The following TBC1D22A variants were observed in gnomAD, a reference collection of about 807,000 sequenced individuals.
The protein encoded by TBC1D22A is TBC1 domain family member 22A, also known as putative GTPase activator.
Under a neutral mutation model 60.2 loss-of-function variants are expected in TBC1D22A, and 38 were observed. The ratio of observed to expected loss-of-function variants is 0.63; its 90% confidence interval spans 0.49 to 0.83. The LOEUF (loss-of-function observed/expected upper bound fraction) is 0.83, where lower values mean the gene tolerates loss of function less well. TBC1D22A is among the 40% of genes least tolerant of loss of function. TBC1D22A has a pLI of 0.00. For synonymous variants in TBC1D22A, 302 were observed against 281.7 expected, an observed-to-expected ratio of 1.07 and a Z score of -0.72; for missense variants, 628 against 701.0, an observed-to-expected ratio of 0.90 and a Z score of 1.18.
chr22:47,088,375 G>A (rs1351095173), intron 11 of TBC1D22A, among the ~76,000 whole-genome samples: 2 of 152,102 alleles, frequency 1.3e-5, no homozygotes, highest in Non-Finnish European at 2.9e-5. Flanking sequence ...CATGCCAAGA[G>A]CCCAATTTAA....
intron 4 of TBC1D22A, among the ~76,000 whole-genome samples, chr22:46,872,010 G>A (rs131860): frequency 0.67 from 101,710 of 152,038 alleles, 34,095 homozygotes; most frequent in Middle Eastern, 0.78. Flanking sequence ...CATTAAAAAG[G>A]TAATAAGGGA....
chr22:47,145,048 A>C (rs1324466333), intron 12 of TBC1D22A, among the ~76,000 whole-genome samples: 1 of 152,224 alleles, frequency 6.6e-6, no homozygotes. Flanking sequence ...AGCGCGCACC[A>C]CGTGCCGGCT....
intron 6 of TBC1D22A, among the ~76,000 whole-genome samples, chr22:46,891,806 C>T (rs1190997450): frequency 1.3e-5 from 2 of 152,140 alleles, no homozygotes; most frequent in Non-Finnish European, 2.9e-5. Flanking sequence ...CTGGGGTTCT[C>T]TGGCGCTGGG....
intron 4 of TBC1D22A, among the ~76,000 whole-genome samples, chr22:46,872,937 C>A (rs541513100): frequency 6.6e-6 from 1 of 152,150 alleles, no homozygotes; most frequent in Non-Finnish European, 1.5e-5. Context: ...CCTGCAGGAA[C>A]CTGGCGAATG....
intron 4 of TBC1D22A, among the ~76,000 whole-genome samples, chr22:46,875,488 C>G (rs772760969): frequency 6.6e-6 from 1 of 151,934 alleles, no homozygotes; most frequent in Admixed American, 6.6e-5. Context: ...GAGTCTCACT[C>G]CCACCCAGAC....
chr22:46,763,073 A>G (rs952748865), intron 1 of TBC1D22A, among the ~76,000 whole-genome samples: 2 of 151,470 alleles, frequency 1.3e-5, no homozygotes, highest in African/African-American at 4.9e-5. Flanking sequence ...GACGAGGAGG[A>G]GCTATTGGCG....
intron 8 of TBC1D22A, among the ~76,000 whole-genome samples, chr22:46,970,826 T>C (rs779353249): frequency 1.3e-5 from 2 of 152,136 alleles, no homozygotes; most frequent in Admixed American, 6.5e-5. Context: ...TTGCCTGCAG[T>C]TCCGCCTGGG....
intron 4 of TBC1D22A, among the ~76,000 whole-genome samples, chr22:46,850,313 G>A (rs2087212027): frequency 6.6e-6 from 1 of 152,202 alleles, no homozygotes. Flanking sequence ...TGCACCTGAT[G>A]CCAGCATGGT....
At chr22:47,006,102 G>T (rs577708073) in intron 10 of TBC1D22A, among the ~76,000 whole-genome samples, 2 of 152,150 alleles carry the variant, frequency 1.3e-5, no homozygotes, top group Non-Finnish European at 2.9e-5. Context: ...CATTGGCATG[G>T]TCACTGTGTT....
intron 4 of TBC1D22A, among the ~76,000 whole-genome samples, chr22:46,812,542 G>A (rs2085424897): frequency 6.6e-6 from 1 of 152,180 alleles, no homozygotes; most frequent in Non-Finnish European, 1.5e-5. Flanking sequence ...CCACCCCTTT[G>A]GGGACACTGC....
At chr22:47,051,599 C>T (rs548398228) in intron 11 of TBC1D22A, among the ~76,000 whole-genome samples, 7 of 152,260 alleles carry the variant, frequency 4.6e-5, no homozygotes, top group African/African-American at 1.7e-4. Flanking sequence ...CCATGCTTTT[C>T]AGGTCCCCTC....
intron 8 of TBC1D22A, among the ~76,000 whole-genome samples, chr22:46,959,048 T>A (rs1003236585): frequency 2.6e-5 from 4 of 152,138 alleles, no homozygotes; most frequent in Non-Finnish European, 2.9e-5. Flanking sequence ...TGGCTTCAGT[T>A]ATGAGAATGT....
In TBC1D22A at chr22:46,777,364, C is replaced by A. The variant is rs1373690067; in HGVS notation, c.62+14516C>A. Among the ~76,000 whole-genome samples, 1 of 152,076 alleles carries A rather than the reference C, an allele frequency of 6.6e-6. No homozygotes were observed. Among genetic ancestry groups the A allele is most frequent in the Non-Finnish European group, 1.5e-5 (1 of 68,018 alleles). ...GTGACTGGTAGAGAGTGATGTTGTC[C>A]AAGGGTGGGGACCGAAGAGTGGGTG... On this transcript the variant is annotated intron_variant, in intron 1 of 12. Coordinates refer to ENST00000337137, the MANE Select transcript of TBC1D22A (RefSeq NM_014346.5). This position sits in a 1 kb window ranked among gnomAD's most constrained non-coding sequence, Gnocchi z 4.5.
chr22:47,073,653 G>C (rs989669107), intron 11 of TBC1D22A, among the ~76,000 whole-genome samples: 6 of 152,196 alleles, frequency 3.9e-5, no homozygotes, highest in Admixed American at 3.9e-4. Flanking sequence ...CAGAAACAAG[G>C]CCTGACAGCC....
At chr22:46,913,701 G>A (rs1266168926) in intron 8 of TBC1D22A, 22 of 985,252 alleles carry the variant, frequency 2.2e-5, no homozygotes, top group Non-Finnish European at 2.7e-5. Flanking sequence ...TTAATTGAAA[G>A]GAGAAGTTCA....
At chr22:47,101,272 T>C (rs1305446834) in intron 11 of TBC1D22A, among the ~76,000 whole-genome samples, 2 of 152,278 alleles carry the variant, frequency 1.3e-5, no homozygotes, top group African/African-American at 4.8e-5. Flanking sequence ...GTGTTTCCTC[T>C]GCAGACTGGC....
At chr22:47,116,052 C>T (rs866557911) in intron 12 of TBC1D22A, 1 of 152,272 alleles carries the variant, frequency 6.6e-6, no homozygotes, top group Admixed American at 6.5e-5. Context: ...TGCTAAACGC[C>T]CTGCAGGCCG....
chr22:47,170,304 A>G (rs753787544), intron 12 of TBC1D22A, among the ~76,000 whole-genome samples: 1 of 152,140 alleles, frequency 6.6e-6, no homozygotes, highest in Non-Finnish European at 1.5e-5. Context: ...ATGGGAGGGT[A>G]CTGCTTCTCA....
At chr22:46,903,087 C>T (rs555999461) in intron 7 of TBC1D22A, among the ~76,000 whole-genome samples, 14 of 152,254 alleles carry the variant, frequency 9.2e-5, no homozygotes, top group African/African-American at 2.2e-4. Flanking sequence ...CCGGTTGGGC[C>T]GTGGATCTCT....
Sources: allele counts gnomAD v4.1 joint callset (sites outside exome capture counted in the v4.1 genomes callset), GRCh38; gene constraint gnomAD v4.1.1; non-coding constraint Gnocchi (gnomAD v3.1); transcripts MANE v1.5; gene names NCBI Gene and HGNC (gene_info 2026-07-23, HGNC 2026-07-21).